PTPRN2: variants seen among roughly 807,000 people sequenced by gnomAD.
PTPRN2 encodes receptor-type tyrosine-protein phosphatase N2.
A neutral mutation model predicts 118.8 loss-of-function variants in PTPRN2; 74 were observed. The observed-to-expected ratio is 0.62, with a 90% CI of 0.52 to 0.76. The LOEUF is 0.76. Ranked by LOEUF, PTPRN2 falls within the 30% of genes least tolerant of loss-of-function variation. The probability of loss-of-function intolerance (pLI) is 0.00; values close to 1 mark genes in which losing one functional copy is unlikely to be tolerated. For synonymous variants in PTPRN2, 641 were observed against 608.0 expected (o/e 1.05, Z -0.80); for missense variants, 1,481 against 1,394.4 (o/e 1.06, Z -0.99).
Position 157,631,469 on chromosome 7 carries a change from C to T in PTPRN2, c.2197-9960G>A, listed in dbSNP as rs551407635. On this transcript the variant is annotated intron_variant, in intron 14 of 22. Transcript: ENST00000389418. ...ATCCCAGCACTTTGGGAGGCTGAGG[C>T]GGGCGGATCACGAGGTCAGGAGATC... Among the ~76,000 whole-genome samples the T allele has an allele frequency of 1.4e-4, 22 of 152,266 alleles. No homozygotes were observed. The South Asian group carries it at 3.5e-3, about 24-fold the overall frequency.
At chr7:158,223,714 G>C (rs765020341) in intron 3 of PTPRN2, among the ~76,000 whole-genome samples, 1 of 152,084 alleles carries the variant, frequency 6.6e-6, no homozygotes, top group Non-Finnish European at 1.5e-5. Context: ...GTACTTAATG[G>C]TGAGTAACCA....
In PTPRN2 at chr7:158,332,303, TCACACCCACACTCTCACCATAA is replaced by T; in HGVS notation, c.164-15393_164-15372del. Among the ~76,000 whole-genome samples, 8 of 44,484 alleles carry T rather than the reference TCACACCCACACTCTCACCATAA, an allele frequency of 1.8e-4. No individual in the cohort carries two copies. The Admixed American group carries it at 2.6e-3, about 14-fold the overall frequency. The allele number at this position is 44,484 out of a possible 152,430, so 29.2% of individuals were successfully genotyped here. ...AAGAGGTGACATCTGCAGACGTCAC[TCACACCCACACTCTCACCATAA>T]GAGCTGAGGCCCACAGAGGACACTC... On this transcript the variant is annotated intron_variant, in intron 2 of 22. Transcript: ENST00000389418.
In PTPRN2 at chr7:157,671,725, G is replaced by A. The variant is rs1041276254; in HGVS notation, c.2001+11000C>T. Reference sequence around the variant, plus strand: ...TTCTCCATTTTCGGAACTGCACGTCGTTCTGGGGCCCAATTATTCTACCTA... The same window carrying A: ...TTCTCCATTTTCGGAACTGCACGTCATTCTGGGGCCCAATTATTCTACCTA... On this transcript the variant is annotated intron_variant, in intron 13 of 22. Transcript: ENST00000389418. The surrounding 1 kb of genome is among the most constrained non-coding windows in gnomAD (Gnocchi z 4.1). Among the ~76,000 whole-genome samples, 6 of 152,198 alleles carry A rather than the reference G, an allele frequency of 3.9e-5. No homozygotes were observed. Among genetic ancestry groups the A allele is most frequent in the South Asian group, 4.2e-4 (2 of 4,818 alleles).
At chr7:158,157,763 G>A (rs776088960) in intron 6 of PTPRN2, among the ~76,000 whole-genome samples, 12 of 152,248 alleles carry the variant, frequency 7.9e-5, no homozygotes, top group Admixed American at 3.3e-4. Context: ...CCAGCACCCC[G>A]GGTGCCCTCT....
rs1360726456 is a variant in PTPRN2 at position 157,611,699 on chromosome 7, G to A, written c.2345-7624C>T. Among the ~76,000 whole-genome samples the A allele has an allele frequency of 1.3e-5, 2 of 152,148 alleles. No homozygotes were observed. The highest frequency in any genetic ancestry group is 4.8e-5 in the African/African-American group (2 of 41,440). On this transcript the variant is annotated intron_variant, in intron 15 of 22. Coordinates refer to ENST00000389418, the MANE Select transcript of PTPRN2 (RefSeq NM_002847.5). This position sits in a 1 kb window ranked among gnomAD's most constrained non-coding sequence, Gnocchi z 5.9. Reference sequence around the variant, plus strand: ...CCCACACGGGAGGGAGAGCGCCCGTGTGAAGACGAAGACAGCCGCGGTCAT... The same window carrying A: ...CCCACACGGGAGGGAGAGCGCCCGTATGAAGACGAAGACAGCCGCGGTCAT...
At chr7:158,583,310 T>A (rs1563457081) in intron 1 of PTPRN2, among the ~76,000 whole-genome samples, 1 of 152,182 alleles carries the variant, frequency 6.6e-6, no homozygotes, top group Non-Finnish European at 1.5e-5. Context: ...CTTTGTCCCG[T>A]GTACCCTGTG....
chr7:157,965,478 A>C, intron 11 of PTPRN2, among the ~76,000 whole-genome samples: 1 of 152,112 alleles, frequency 6.6e-6, no homozygotes, highest in Non-Finnish European at 1.5e-5. Flanking sequence ...GAGGGGGTGA[A>C]GCAAGGTTCA....
At chr7:158,442,546 G>A (rs1199676303) in intron 2 of PTPRN2, among the ~76,000 whole-genome samples, 1 of 152,192 alleles carries the variant, frequency 6.6e-6, no homozygotes, top group Non-Finnish European at 1.5e-5. Flanking sequence ...GATTTGGTAA[G>A]TGATAAGAAA....
chr7:157,939,346 G>C (rs1051055790), intron 11 of PTPRN2, among the ~76,000 whole-genome samples: 1 of 152,268 alleles, frequency 6.6e-6, no homozygotes, highest in Non-Finnish European at 1.5e-5. Context: ...GCTGGTGGCT[G>C]TCCTGCAGGA....
chr7:158,067,097 A>G (rs1471352434), intron 11 of PTPRN2, among the ~76,000 whole-genome samples: 1 of 152,202 alleles, frequency 6.6e-6, no homozygotes, highest in Non-Finnish European at 1.5e-5. Flanking sequence ...TGCTGTAGTT[A>G]CTGTTCAGGT....
intron 3 of PTPRN2, among the ~76,000 whole-genome samples, chr7:158,264,429 G>A (rs1797740267): frequency 1.3e-5 from 2 of 152,102 alleles, no homozygotes; most frequent in Admixed American, 6.5e-5. Flanking sequence ...AGATCGTGCT[G>A]AGCTCTTCCT....
intron 1 of PTPRN2, among the ~76,000 whole-genome samples, chr7:158,548,864 C>T (rs1331126946): frequency 6.6e-6 from 1 of 152,226 alleles, no homozygotes; most frequent in Admixed American, 6.5e-5. Context: ...GTGGGCACAA[C>T]TCCACAAAGG....
At position 157,753,622 on chromosome 7, in the gene PTPRN2, ACGTGC is replaced by A. The variant is rs1202393113; in HGVS notation, c.1789-70690_1789-70686del. ...TCTAGTCGAAGCTCCGTTCTCTACC[ACGTGC>A]CAGGCCCCACACCTGCCTTAACGCC... On this transcript the variant is annotated intron_variant, in intron 12 of 22. Transcript: ENST00000389418. Among the ~76,000 whole-genome samples, 3 of 150,370 alleles carry A rather than the reference ACGTGC, an allele frequency of 2.0e-5. No individual in the cohort carries two copies. In the East Asian group the frequency reaches 5.9e-4, roughly 30 times the overall value.
At chr7:158,086,821 C>A (rs183882702) in intron 10 of PTPRN2, among the ~76,000 whole-genome samples, 1 of 151,928 alleles carries the variant, frequency 6.6e-6, no homozygotes, top group East Asian at 1.9e-4. Flanking sequence ...ACAGAATCTG[C>A]GAATGAACAG....
chr7:157,753,458 C>T (rs1801600777), intron 12 of PTPRN2, among the ~76,000 whole-genome samples: 1 of 152,168 alleles, frequency 6.6e-6, no homozygotes, highest in African/African-American at 2.4e-5. Flanking sequence ...TACAAAGTGA[C>T]CAGCACAGGC....
intron 5 of PTPRN2, among the ~76,000 whole-genome samples, chr7:158,189,768 G>T (rs1825616299): frequency 6.6e-6 from 1 of 152,238 alleles, no homozygotes; most frequent in Non-Finnish European, 1.5e-5. Context: ...CGCCGTTACA[G>T]AAGCCTGAAA....
At chr7:158,341,167 G>A (rs1355953054) in intron 2 of PTPRN2, among the ~76,000 whole-genome samples, 11 of 148,254 alleles carry the variant, frequency 7.4e-5, no homozygotes, top group African/African-American at 2.3e-4. Context: ...GCCCGCAGAC[G>A]TCACTCACAC....
intron 12 of PTPRN2, among the ~76,000 whole-genome samples, chr7:157,866,836 C>A (rs1329336049): frequency 8.0e-6 from 1 of 125,278 alleles, no homozygotes; most frequent in Non-Finnish European, 1.7e-5. Flanking sequence ...CACCGCCCCC[C>A]CCCGACGCCC....
intron 2 of PTPRN2, among the ~76,000 whole-genome samples, chr7:158,363,585 C>A (rs1809183073): frequency 6.6e-6 from 1 of 152,158 alleles, no homozygotes; most frequent in Non-Finnish European, 1.5e-5. Context: ...ATTTCCCAGA[C>A]AAACATAAAA....
Sources: allele counts gnomAD v4.1 joint callset (sites outside exome capture counted in the v4.1 genomes callset), GRCh38; gene constraint gnomAD v4.1.1; non-coding constraint Gnocchi (gnomAD v3.1); transcripts MANE v1.5; gene names NCBI Gene and HGNC (gene_info 2026-07-23, HGNC 2026-07-21).